The following DAPK1 variants were observed in gnomAD, a reference collection of about 807,000 sequenced individuals.
The protein encoded by DAPK1 is death associated protein kinase 1, also known as death-associated protein kinase 1.
In DAPK1, 56 loss-of-function variants were observed where a neutral mutation model predicts 144.9. The observed-to-expected ratio is 0.39, with a 90% CI of 0.31 to 0.48. The LOEUF (loss-of-function observed/expected upper bound fraction) is 0.48, where lower values mean the gene tolerates loss of function less well. DAPK1 is among the 20% of genes least tolerant of loss of function. The pLI is 0.95. For missense variants in DAPK1, 1,454 were observed against 1,875.4 expected (o/e 0.78, Z 4.15); for synonymous variants, 690 against 749.0 (o/e 0.92, Z 1.29).
chr9:87,517,410 A>G (rs1825104804), intron 2 of DAPK1, among the ~76,000 whole-genome samples: 2 of 151,618 alleles, frequency 1.3e-5, no homozygotes, highest in African/African-American at 4.9e-5. Flanking sequence ...TGACACATTC[A>G]TCCAGCACTG....
intron 3 of DAPK1, among the ~76,000 whole-genome samples, chr9:87,631,408 C>G (rs189050398): frequency 0.01 from 1,560 of 152,180 alleles, 12 homozygotes; most frequent in Non-Finnish European, 0.015. Flanking sequence ...CTGTCGTGGC[C>G]AACTTTTAGG....
At chr9:87,556,534 A>G (rs964698157) in intron 2 of DAPK1, among the ~76,000 whole-genome samples, 33 of 151,970 alleles carry the variant, frequency 2.2e-4, no homozygotes, top group Admixed American at 1.0e-3. Flanking sequence ...GCCTGGCCCC[A>G]TCATGCTAAT....
rs979452526 is a variant in DAPK1 at position 87,686,153 on chromosome 9, G to A, written c.2225-398G>A. 1.3e-5 allele frequency among the ~76,000 whole-genome samples: 2 copies of A among 152,208 alleles called. No individual in the cohort carries two copies. Among genetic ancestry groups the A allele is most frequent in the Non-Finnish European group, 1.5e-5 (1 of 68,044 alleles). The stretch of plus-strand genomic sequence containing the variant: ...AGAAGTCGCTCAGTGGGAGCTGGAG[G>A]AAGACAGAGACTGCGAGTATCAGCA... On this transcript the variant is annotated intron_variant, in intron 20 of 25. Coordinates refer to ENST00000408954, the MANE Select transcript of DAPK1 (RefSeq NM_004938.4). The surrounding 1 kb of genome is among the most constrained non-coding windows in gnomAD (Gnocchi z 4.2).
In DAPK1 at chr9:87,641,971, TA is replaced by T; in HGVS notation, c.834del (p.Asp279IlefsTer13). 6.2e-7 allele frequency: 1 copy of T among 1,609,418 alleles called. No homozygotes were observed. Among genetic ancestry groups the T allele is most frequent in the Non-Finnish European group, 8.5e-7 (1 of 1,177,914 alleles). On this transcript the variant is annotated frameshift_variant, in exon 10 of 26. Coordinates refer to ENST00000408954, the MANE Select transcript of DAPK1 (RefSeq NM_004938.4). ...DSLQHPWIKP[K>X]DTQQALSRKA... is the part of the protein sequence containing the mutation. ...TTTTTCTTGGATTTTTATTTTAGCC[TA>T]AAGATACACAACAGGCACTTAGTAG...
At chr9:87,569,683 G>A (rs1201445789) in intron 2 of DAPK1, among the ~76,000 whole-genome samples, 3 of 152,042 alleles carry the variant, frequency 2.0e-5, no homozygotes, top group African/African-American at 7.2e-5. Flanking sequence ...GGGTGCATCC[G>A]GGTGTGTAGC....
chr9:87,650,484 T>C (rs1355589685), intron 16 of DAPK1: 1 of 246,764 alleles, frequency 4.1e-6, no homozygotes, highest in Non-Finnish European at 8.0e-6. Flanking sequence ...ATAGATGTTT[T>C]ACTTATTTCT....
At chr9:87,566,564 T>C (rs1323570783) in intron 2 of DAPK1, among the ~76,000 whole-genome samples, 2 of 152,142 alleles carry the variant, frequency 1.3e-5, no homozygotes, top group African/African-American at 2.4e-5. Flanking sequence ...TCTAAATAAG[T>C]AAGCTCAGGT....
intron 2 of DAPK1, among the ~76,000 whole-genome samples, chr9:87,517,609 A>G (rs886514026): frequency 1.3e-5 from 2 of 152,200 alleles, no homozygotes; most frequent in Non-Finnish European, 2.9e-5. Context: ...GATTGTAGCC[A>G]TGGTTCCTGT....
At chr9:87,633,834 G>A (rs1429292113) in intron 3 of DAPK1, among the ~76,000 whole-genome samples, 2 of 152,256 alleles carry the variant, frequency 1.3e-5, no homozygotes, top group Non-Finnish European at 2.9e-5. Flanking sequence ...CCAGTGGGGT[G>A]TAGCTTGGGT....
At chr9:87,576,842 G>A (rs1827580857) in intron 2 of DAPK1, among the ~76,000 whole-genome samples, 1 of 152,116 alleles carries the variant, frequency 6.6e-6, no homozygotes, top group African/African-American at 2.4e-5. Flanking sequence ...TTACAGGCGT[G>A]AGCCACCGCG....
chr9:87,612,382 C>T (rs1828960686), intron 3 of DAPK1, among the ~76,000 whole-genome samples: 1 of 152,212 alleles, frequency 6.6e-6, no homozygotes, highest in African/African-American at 2.4e-5. Flanking sequence ...CCTGTGGAGA[C>T]AGAGGAATGG....
intron 2 of DAPK1, among the ~76,000 whole-genome samples, chr9:87,559,605 G>A (rs945112983): frequency 1.3e-5 from 2 of 152,166 alleles, no homozygotes; most frequent in African/African-American, 4.8e-5. Context: ...GATGTAGGAC[G>A]CCTTGGACTT....
chr9:87,639,837 T>G, intron 7 of DAPK1, 22 bp downstream of exon 7: 1 of 1,611,816 alleles, frequency 6.2e-7, no homozygotes, highest in South Asian at 1.1e-5. Flanking sequence ...AATTCACAAC[T>G]CATACTCTCT....
intron 3 of DAPK1, among the ~76,000 whole-genome samples, chr9:87,619,701 A>G (rs898642116): frequency 1.3e-5 from 2 of 152,168 alleles, no homozygotes; most frequent in Non-Finnish European, 2.9e-5. Context: ...AACGAGCTCA[A>G]TAGAAGGACA....
In DAPK1 at chr9:87,686,401, C is replaced by T. The variant is rs1310724259; in HGVS notation, c.2225-150C>T. The T allele has an allele frequency of 1.6e-5, 10 of 611,152 alleles. No homozygotes were observed. Among genetic ancestry groups the T allele is most frequent in the African/African-American group, 9.2e-5 (5 of 54,402 alleles). The allele number at this position is 611,152 out of a possible 1,614,324, so 37.9% of individuals were successfully genotyped here. On this transcript the variant is annotated intron_variant, in intron 20 of 25. Coordinates refer to ENST00000408954, the MANE Select transcript of DAPK1 (RefSeq NM_004938.4). The surrounding 1 kb of genome is among the most constrained non-coding windows in gnomAD (Gnocchi z 4.2). Reference sequence around the variant, plus strand: ...TTGCTGGGAACACTGCTGCCCTGCACGTGTGAGGGCAGACACACTCAGCCT... The same window carrying T: ...TTGCTGGGAACACTGCTGCCCTGCATGTGTGAGGGCAGACACACTCAGCCT...
At position 87,706,053 on chromosome 9, in the gene DAPK1, G is replaced by A; in HGVS notation, c.3061-79G>A. The A allele has an allele frequency of 9.7e-7, 1 of 1,031,884 alleles. No individual in the cohort carries two copies. The highest frequency in any genetic ancestry group is 1.5e-6 in the Non-Finnish European group (1 of 685,080). 63.9% of individuals were successfully genotyped at this position (1,031,884 alleles called of 1,614,324 possible). A position where few individuals can be genotyped will look rare whatever the true frequency, so the allele number is the denominator to read the frequency against. ...GCTCAGCCTCTGTTGCCGGCATCAG[G>A]CCCTTTAGTGCTCTAAGTGGCTGGT... is the stretch of plus-strand genomic sequence containing the variant. On this transcript the variant is annotated intron_variant, in intron 25 of 25. Coordinates refer to ENST00000408954, the MANE Select transcript of DAPK1 (RefSeq NM_004938.4). This position sits in a 1 kb window ranked among gnomAD's most constrained non-coding sequence, Gnocchi z 9.0.
intron 20 of DAPK1, among the ~76,000 whole-genome samples, chr9:87,685,827 G>A (rs532392679): frequency 2.8e-4 from 43 of 152,302 alleles, no homozygotes; most frequent in African/African-American, 1.0e-3. Flanking sequence ...GGAACCCAGT[G>A]TCACTGCCAT....
intron 2 of DAPK1, among the ~76,000 whole-genome samples, chr9:87,542,615 C>T (rs1467707475): frequency 6.6e-6 from 1 of 152,218 alleles, no homozygotes; most frequent in Non-Finnish European, 1.5e-5. Flanking sequence ...GGCTTACACT[C>T]AGTGACTTCC....
intron 1 of DAPK1, among the ~76,000 whole-genome samples, chr9:87,498,341 C>T (rs1196517529): frequency 6.6e-6 from 1 of 152,138 alleles, no homozygotes; most frequent in African/African-American, 2.4e-5. Flanking sequence ...TGTGTCGGGG[C>T]GCGAGGATCT....
Sources: gnomAD v4.1 joint callset for allele counts (sites outside exome capture counted in the v4.1 genomes callset) on GRCh38, gnomAD v4.1.1 for gene constraint, Gnocchi (gnomAD v3.1) non-coding constraint, MANE v1.5 for transcripts, NCBI Gene and HGNC (gene_info 2026-07-23, HGNC 2026-07-21) for gene names.